EIF4E3: variants seen among roughly 807,000 people sequenced by gnomAD.
EIF4E3 encodes eukaryotic translation initiation factor 4E type 3.
EIF4E3 carries 26 observed loss-of-function variants against 31.7 expected under a neutral mutation model. The observed-to-expected ratio is 0.82, with a 90% confidence interval of 0.60 to 1.14. The LOEUF is 1.14. Among genes scored for constraint, EIF4E3 ranks in the 50% most tolerant of loss-of-function variants. EIF4E3 has a pLI of 0.00. For missense variants in EIF4E3, 304 were observed against 270.9 expected (o/e 1.12, Z -0.86); for synonymous variants, 128 against 107.7 (o/e 1.19, Z -1.17).
chr3:71,742,236 A>T (rs1259828824), intron 1 of EIF4E3, among the ~76,000 whole-genome samples: 1 of 152,168 alleles, frequency 6.6e-6, no homozygotes, highest in Non-Finnish European at 1.5e-5. Context: ...GACTGAAAAA[A>T]ATGATAAACT....
At chr3:71,720,548 C>T (rs2049531800) in intron 1 of EIF4E3, among the ~76,000 whole-genome samples, 1 of 152,184 alleles carries the variant, frequency 6.6e-6, no homozygotes, top group Non-Finnish European at 1.5e-5. Context: ...CTCAAAGCTG[C>T]TCTGGTAGAC....
chr3:71,684,532 T>G lies in EIF4E3; in HGVS notation c.*150A>C. The G allele has an allele frequency of 1.5e-6, 1 of 652,808 alleles. No individual in the cohort carries two copies. 40.4% of individuals were successfully genotyped at this position (652,808 alleles called of 1,614,324 possible). On this transcript the variant is annotated 3_prime_UTR_variant, in exon 7 of 7. Transcript: ENST00000425534. ...AATCTCCCCCCACCCCACCTGCCAC[T>G]TTGAGTCCTAATTGCCCATCTGCAA...
At chr3:71,671,852 A>G (rs1324312436), downstream of EIF4E3, among the ~76,000 whole-genome samples, 3 of 152,104 alleles carry the variant, frequency 2.0e-5, no homozygotes, top group Non-Finnish European at 4.4e-5. Flanking sequence ...AAGCACCCCC[A>G]GAACAGTCAG....
chr3:71,707,285 A>T (rs577625608), intron 2 of EIF4E3, among the ~76,000 whole-genome samples: 12 of 152,234 alleles, frequency 7.9e-5, no homozygotes, highest in Admixed American at 2.0e-4. Flanking sequence ...GACAGGTTAT[A>T]TAACTTGTCC....
At chr3:71,727,991 T>A (rs1413294933), upstream of EIF4E3, among the ~76,000 whole-genome samples, 1 of 152,256 alleles carries the variant, frequency 6.6e-6, no homozygotes, top group African/African-American at 2.4e-5. Flanking sequence ...CCTTTCTCTC[T>A]TTTTGCTTTG....
the EIF4E3 span, among the ~76,000 whole-genome samples, chr3:71,659,401 T>G: frequency 6.6e-6 from 1 of 152,194 alleles, no homozygotes; most frequent in African/African-American, 2.4e-5. Context: ...ATCAGACTTA[T>G]TACATGGAAA....
downstream of EIF4E3, among the ~76,000 whole-genome samples, chr3:71,673,399 CAAAGATGTTTAA>C (rs2048856297): frequency 6.6e-6 from 1 of 152,038 alleles, no homozygotes; most frequent in African/African-American, 2.4e-5. Flanking sequence ...GTTTGGCTTT[CAAAGATGTTTAA>C]AAAGCACCAA....
chr3:71,699,361 T>G (rs2049182790), intron 3 of EIF4E3, among the ~76,000 whole-genome samples: 2 of 152,218 alleles, frequency 1.3e-5, no homozygotes, highest in African/African-American at 4.8e-5. Flanking sequence ...GCAGAAAGAC[T>G]GAATGACATG....
chr3:71,740,874 C>A (rs1252175895), intron 1 of EIF4E3, among the ~76,000 whole-genome samples: 1 of 152,198 alleles, frequency 6.6e-6, no homozygotes, highest in Non-Finnish European at 1.5e-5. Flanking sequence ...CGGTGGCTCA[C>A]GCCTGTAATC....
At chr3:71,720,080 A>G (rs190825577) in intron 1 of EIF4E3, among the ~76,000 whole-genome samples, 3 of 152,132 alleles carry the variant, frequency 2.0e-5, no homozygotes, top group African/African-American at 7.2e-5. Flanking sequence ...CAATATATGA[A>G]TGTATACCAT....
At chr3:71,730,677 C>T (rs1299524438) in intron 1 of EIF4E3, among the ~76,000 whole-genome samples, 1 of 152,180 alleles carries the variant, frequency 6.6e-6, no homozygotes, top group Admixed American at 6.5e-5. Context: ...TCGTCCTGAT[C>T]TGCCTGCAAT....
chr3:71,754,492 G>GGGCGCT, upstream of EIF4E3: 2 of 1,291,024 alleles, frequency 1.5e-6, no homozygotes, highest in Non-Finnish European at 2.0e-6. This position sits in a 1 kb window ranked among gnomAD's most constrained non-coding sequence, Gnocchi z 5.8. Context: ...TGCGCCGCCT[G>GGGCGCT]GGCGCTGGCG....
In EIF4E3 at chr3:71,679,453, G is replaced by C. The variant is rs1340597072; in HGVS notation, c.*5229C>G. The C allele has an allele frequency of 6.6e-6, 1 of 152,002 alleles. No homozygotes were observed. The highest frequency in any genetic ancestry group is 2.4e-5 in the African/African-American group (1 of 41,384). The allele number at this position is 152,002 out of a possible 1,614,324, so 9.4% of individuals were successfully genotyped here. A position where few individuals can be genotyped will look rare whatever the true frequency, so the allele number is the denominator to read the frequency against. On this transcript the variant is annotated 3_prime_UTR_variant, in exon 7 of 7. Transcript: ENST00000425534. ...CTAAATGAGTTGGTAACTTTTTTCA[G>C]GCAGCAACCAAAACAAAAACATTTA... is the stretch of plus-strand genomic sequence containing the variant.
chr3:71,710,617 G>A (rs1281821674), intron 1 of EIF4E3, 133 bp from the exon 2 acceptor site: 1 of 781,618 alleles, frequency 1.3e-6, no homozygotes, highest in Non-Finnish European at 2.0e-6. Flanking sequence ...TTTTGGGGAT[G>A]CTAGTTGGAA....
intron 1 of EIF4E3, among the ~76,000 whole-genome samples, chr3:71,710,704 C>T (rs375812152): frequency 2.5e-4 from 38 of 152,050 alleles, no homozygotes; most frequent in Middle Eastern, 6.8e-3. Context: ...TTCTTGGAAA[C>T]TTAACAGAAA....
chr3:71,710,476 G>A lies in EIF4E3; in HGVS notation c.185C>T (p.Pro62Leu), dbSNP rs1375435312. The change falls in exon 2 of 7, where the codon CCT (proline) becomes CTT (leucine). Residue 62 changes from proline (P) to leucine (L), a missense_variant. By Grantham distance (98) the Pro-to-Leu change is moderately conservative. Transcript: ENST00000425534. Reference sequence around the variant, plus strand: ...TGCGCACTCAGCTGCTGTGGCACCAGGGAGGGATCTAGGCAAGCAGGAGCA... The same window carrying A: ...TGCGCACTCAGCTGCTGTGGCACCAAGGAGGGATCTAGGCAAGCAGGAGCA... Reference protein sequence around the residue: ...SWTFWLDRSLPGATAAECASN... With the variant: ...SWTFWLDRSLLGATAAECASN... 1.3e-6 allele frequency: 2 copies of A among 1,552,024 alleles called. No homozygotes were observed. The highest frequency in any genetic ancestry group is 1.4e-5 in the African/African-American group (1 of 73,040).
downstream of EIF4E3, among the ~76,000 whole-genome samples, chr3:71,671,149 A>G (rs2048845412): frequency 6.6e-6 from 1 of 152,162 alleles, no homozygotes; most frequent in African/African-American, 2.4e-5. Context: ...GGCCATACAC[A>G]CTATGCGTGG....
At position 71,684,435 on chromosome 3, in the gene EIF4E3, G is replaced by T; in HGVS notation, c.*247C>A. 3 of 341,576 alleles carry T rather than the reference G, an allele frequency of 8.8e-6. No individual in the cohort carries two copies. The highest frequency in any genetic ancestry group is 1.1e-5 in the Non-Finnish European group (2 of 190,348). 21.2% of individuals were successfully genotyped at this position (341,576 alleles called of 1,614,324 possible). ...CAGAGTGAAAAGAACAGAGAATTTA[G>T]AAAGCCAAAAAAAAAGTTTTTTGTG... is the stretch of plus-strand genomic sequence containing the variant. On this transcript the variant is annotated 3_prime_UTR_variant, in exon 7 of 7. Transcript: ENST00000425534.
intron 6 of EIF4E3, 123 bp downstream of exon 6, chr3:71,689,887 A>G: frequency 8.5e-6 from 8 of 936,248 alleles, no homozygotes; most frequent in Non-Finnish European, 1.0e-5. Flanking sequence ...TATTTTGTTG[A>G]ATTATTTTCT....
Sources: allele counts gnomAD v4.1 joint callset (sites outside exome capture counted in the v4.1 genomes callset), GRCh38; gene constraint gnomAD v4.1.1; non-coding constraint Gnocchi (gnomAD v3.1); transcripts MANE v1.5; gene names NCBI Gene and HGNC (gene_info 2026-07-23, HGNC 2026-07-21).